The following CSMD1 variants were observed in gnomAD, a reference collection of about 807,000 sequenced individuals.
The protein encoded by CSMD1 is CUB and sushi domain-containing protein 1.
CSMD1 carries 213 observed loss-of-function variants against 417.5 expected under a neutral mutation model. The ratio of observed to expected loss-of-function variants is 0.51; its 90% CI spans 0.46 to 0.57. CSMD1 has a LOEUF of 0.57. Among genes scored for constraint, CSMD1 ranks in the 20% least tolerant of loss-of-function variants. CSMD1 has a pLI of 0.00. For synonymous variants in CSMD1, 2,862 were observed against 1,736.8 expected (o/e 1.65, Z -16.11); for missense variants, 6,923 against 4,529.7 (o/e 1.53, Z -15.17).
chr8:4,763,791 T>A (rs1348774359), intron 1 of CSMD1, among the ~76,000 whole-genome samples: 1 of 152,216 alleles, frequency 6.6e-6, no homozygotes, highest in Non-Finnish European at 1.5e-5. Flanking sequence ...TTAACTTATC[T>A]AAAAGACTGC....
Position 4,033,763 on chromosome 8 carries a change from T to C in CSMD1, c.416-1664A>G, listed in dbSNP as rs567725204. Among the ~76,000 whole-genome samples, 54 of 152,318 alleles carry C rather than the reference T, an allele frequency of 3.5e-4. No individual in the cohort carries two copies. In the South Asian group the frequency reaches 7.5e-3, roughly 21 times the overall value. On this transcript the variant is annotated intron_variant, in intron 3 of 69. Transcript: ENST00000635120. ...AATGGGGTATTGATTCTGTTCTTTTTGGTCCTCTCACTTTTTCCTTGATAT... is the reference window on the plus strand; with the variant it reads ...AATGGGGTATTGATTCTGTTCTTTTCGGTCCTCTCACTTTTTCCTTGATAT...
chr8:3,699,298 C>T lies in CSMD1; in HGVS notation c.1009+9116G>A, dbSNP rs529409439. On this transcript the variant is annotated intron_variant, in intron 7 of 69. Coordinates refer to ENST00000635120, the MANE Select transcript of CSMD1 (RefSeq NM_033225.6). ...AAAATTTCTCATAATTTTCCTGTTT[C>T]CTTCCATGCAGTGGATATCATGATT... Among the ~76,000 whole-genome samples the T allele has an allele frequency of 6.6e-5, 10 of 152,326 alleles. No homozygotes were observed. The South Asian group carries it at 1.9e-3, about 28-fold the overall frequency.
At chr8:3,719,761 C>A (rs1220801617) in intron 6 of CSMD1, among the ~76,000 whole-genome samples, 1 of 152,134 alleles carries the variant, frequency 6.6e-6, no homozygotes, top group Non-Finnish European at 1.5e-5. Flanking sequence ...TCCATTCCTC[C>A]TGTGTGGAAG....
At position 4,061,502 on chromosome 8, in the gene CSMD1, A is replaced by T. The variant is rs143278739; in HGVS notation, c.416-29403T>A. On this transcript the variant is annotated intron_variant, in intron 3 of 69. Transcript: ENST00000635120. The stretch of plus-strand genomic sequence containing the variant: ...CAAAAGGAGTTTAAATAAAAACTGT[A>T]AAGTAAGTAGGGAATGTGGGAGAAG... 1.7e-4 allele frequency among the ~76,000 whole-genome samples: 26 copies of T among 152,322 alleles called. No homozygotes were observed. The South Asian group carries it at 2.7e-3, about 16-fold the overall frequency.
chr8:3,795,110 C>A (rs180752307), intron 5 of CSMD1, among the ~76,000 whole-genome samples: 1 of 62,238 alleles, frequency 1.6e-5, no homozygotes, highest in Non-Finnish European at 3.6e-5. Context: ...TCATGTACAG[C>A]TATAGATATC....
chr8:4,379,598 A>T (rs572412157), intron 3 of CSMD1, among the ~76,000 whole-genome samples: 3 of 152,302 alleles, frequency 2.0e-5, no homozygotes, highest in African/African-American at 7.2e-5. Flanking sequence ...AAAACTGAAA[A>T]ATGTTTGCAA....
intron 5 of CSMD1, among the ~76,000 whole-genome samples, chr8:3,924,702 C>G (rs1044837923): frequency 1.3e-5 from 2 of 151,904 alleles, no homozygotes; most frequent in Non-Finnish European, 2.9e-5. Flanking sequence ...TCCAGATTTT[C>G]TTTGTTTCAT....
At chr8:4,211,454 C>T (rs184159053) in intron 3 of CSMD1, among the ~76,000 whole-genome samples, 1 of 152,188 alleles carries the variant, frequency 6.6e-6, no homozygotes, top group East Asian at 1.9e-4. Context: ...TTACGCATGA[C>T]AAATGAGAAG....
At chr8:4,865,006 T>A (rs977425983) in intron 1 of CSMD1, among the ~76,000 whole-genome samples, 3 of 151,498 alleles carry the variant, frequency 2.0e-5, no homozygotes, top group Non-Finnish European at 4.4e-5. Flanking sequence ...TCTGATTTTT[T>A]AAATTTTAAA....
intron 42 of CSMD1, among the ~76,000 whole-genome samples, chr8:3,114,425 TA>T (rs1816729325): frequency 6.7e-6 from 1 of 149,850 alleles, no homozygotes; most frequent in Non-Finnish European, 1.5e-5. Context: ...AATATGAATA[TA>T]AAAATATAAT....
chr8:4,469,881 T>TTA (rs1800423603), intron 2 of CSMD1, among the ~76,000 whole-genome samples: 1 of 151,460 alleles, frequency 6.6e-6, no homozygotes, highest in African/African-American at 2.4e-5. Context: ...TTTTTTTTTT[T>TTA]ATTTGAGACG....
chr8:3,310,093 T>G (rs189324527), intron 23 of CSMD1, among the ~76,000 whole-genome samples: 3 of 152,192 alleles, frequency 2.0e-5, no homozygotes, highest in African/African-American at 7.2e-5. Context: ...ATATGCTAAA[T>G]GTCCACAAAG....
intron 5 of CSMD1, among the ~76,000 whole-genome samples, chr8:3,759,100 T>G (rs936270142): frequency 6.6e-6 from 1 of 152,260 alleles, no homozygotes; most frequent in Admixed American, 6.5e-5. Flanking sequence ...ATTTCTAATC[T>G]ATTTACTGAA....
intron 7 of CSMD1, among the ~76,000 whole-genome samples, chr8:3,680,185 C>G (rs1318346337): frequency 6.6e-6 from 1 of 152,008 alleles, no homozygotes; most frequent in South Asian, 2.1e-4. Context: ...CAACTCAGAT[C>G]AGAGCAGAAA....
At chr8:4,456,063 A>G (rs1254735749) in intron 2 of CSMD1, among the ~76,000 whole-genome samples, 4 of 28,848 alleles carry the variant, frequency 1.4e-4, no homozygotes, top group African/African-American at 8.3e-4. Context: ...ATTGACCAAA[A>G]AAAAAAAAAA....
intron 54 of CSMD1, 137 bp from the exon 55 acceptor site, chr8:2,978,937 T>G (rs781523861): frequency 1.3e-5 from 10 of 740,788 alleles, no homozygotes; most frequent in Non-Finnish European, 2.1e-5. Flanking sequence ...CTCATGAAAT[T>G]CCACTCTCAC....
chr8:3,008,868 T>C (rs147233778), intron 52 of CSMD1, among the ~76,000 whole-genome samples: 2 of 152,152 alleles, frequency 1.3e-5, no homozygotes, highest in African/African-American at 4.8e-5. Context: ...CTGAGGTACT[T>C]GTTGGCCGAT....
At chr8:3,006,868 G>C (rs1019674473) in intron 52 of CSMD1, among the ~76,000 whole-genome samples, 1 of 142,038 alleles carries the variant, frequency 7.0e-6, no homozygotes, top group Admixed American at 6.7e-5. Context: ...CATGGGCAAA[G>C]ACTTCATGTC....
intron 5 of CSMD1, among the ~76,000 whole-genome samples, chr8:3,941,927 G>C (rs1810911732): frequency 6.6e-6 from 1 of 152,074 alleles, no homozygotes; most frequent in Admixed American, 6.6e-5. Flanking sequence ...GGTGAGCAGT[G>C]GGCCAGCTAG....
Sources: allele counts gnomAD v4.1 joint callset (sites outside exome capture counted in the v4.1 genomes callset), GRCh38; gene constraint gnomAD v4.1.1; transcripts MANE v1.5; gene names NCBI Gene and HGNC (gene_info 2026-07-23, HGNC 2026-07-21).